SETDB2: variants seen among roughly 807,000 people sequenced by gnomAD.
The protein encoded by SETDB2 is SET domain bifurcated histone lysine methyltransferase 2.
SETDB2 carries 56 observed loss-of-function variants against 82.5 expected under a neutral mutation model. The observed-to-expected ratio is 0.68, with a 90% CI of 0.55 to 0.85. The LOEUF is 0.85. Among genes scored for constraint, SETDB2 ranks in the 40% least tolerant of loss-of-function variants. The pLI is 0.00. For missense variants in SETDB2, 677 were observed against 816.4 expected (o/e 0.83, Z 2.08); for synonymous variants, 272 against 284.9 (o/e 0.95, Z 0.46).
chr13:49,490,974 T>G lies in SETDB2; in HGVS notation c.2006+64T>G, dbSNP rs754145155. ...GACTTTAAAAATAACAATAGAGGGC[T>G]GAGTGCTGTGGCTCATACCTGTAAT... On this transcript the variant is annotated intron_variant, in intron 13 of 13. Coordinates refer to ENST00000611815, the MANE Select transcript of SETDB2 (RefSeq NM_001160308.3). 22 of 1,326,082 alleles carry G rather than the reference T, an allele frequency of 1.7e-5. No homozygotes were observed. The East Asian group carries it at 4.8e-4, about 29-fold the overall frequency. 82.1% of individuals were successfully genotyped at this position (1,326,082 alleles called of 1,614,324 possible). A position where few individuals can be genotyped will look rare whatever the true frequency, so the allele number is the denominator to read the frequency against.
At position 49,476,504 on chromosome 13, in the gene SETDB2, C is replaced by G; in HGVS notation, c.334C>G (p.Leu112Val). The G allele has an allele frequency of 6.3e-7, 1 of 1,595,150 alleles. No homozygotes were observed. Among genetic ancestry groups the G allele is most frequent in the African/African-American group, 1.4e-5 (1 of 73,954 alleles). ...AACAGAAAATAAGGAAATTCTCTCT[C>G]TTGAAGATAAAGTTGTAGACTTTAG... is the stretch of plus-strand genomic sequence containing the variant. ...LTTENKEILS[L>V]EDKVVDFREK... Residue 112 changes from leucine (L) to valine (V), a missense_variant, in exon 6 of 14, where the codon CTT (leucine) becomes GTT (valine). Leu to Val is a conservative substitution (Grantham distance 32). Around this residue, in one of 3 missense-constraint regions of SETDB2, gnomAD observed 243 missense variants for 237.2 expected, o/e 1.02. Coordinates refer to ENST00000611815, the MANE Select transcript of SETDB2 (RefSeq NM_001160308.3).
chr13:49,467,203 G>C (rs1425567568), intron 4 of SETDB2, among the ~76,000 whole-genome samples: 1 of 151,986 alleles, frequency 6.6e-6, no homozygotes, highest in Non-Finnish European at 1.5e-5. Context: ...TTCGAGATCA[G>C]CCTGGCCAAC....
chr13:49,459,447 G>A (rs1957951375), intron 2 of SETDB2, among the ~76,000 whole-genome samples: 1 of 152,078 alleles, frequency 6.6e-6, no homozygotes, highest in Non-Finnish European at 1.5e-5. Flanking sequence ...TTGTAACATT[G>A]TATAAATATG....
intron 4 of SETDB2, 42 bp downstream of exon 4, chr13:49,461,204 T>C (rs752089905): frequency 2.1e-6 from 3 of 1,409,038 alleles, no homozygotes; most frequent in South Asian, 1.2e-5. Context: ...TTCTCTGATA[T>C]TTTCTTGCCA....
rs1378783393 is a variant in SETDB2, at chr13:49,471,934, A to ATATTTT, written c.305+3975_305+3976insATTTTT. ...GTGACATATATATATATATATATAT[A>ATATTTT]TTTTTTTTTTTTTTTAAATAGAGAC... On this transcript the variant is annotated intron_variant, in intron 5 of 13. Transcript: ENST00000611815. Among the ~76,000 whole-genome samples, 81 of 119,258 alleles carry ATATTTT rather than the reference A, an allele frequency of 6.8e-4. No homozygotes were observed. In the Middle Eastern group the frequency reaches 0.012, roughly 18 times the overall value. The allele number at this position is 119,258 out of a possible 152,430, so 78.2% of individuals were successfully genotyped here. A position where few individuals can be genotyped will look rare whatever the true frequency, so the allele number is the denominator to read the frequency against.
At chr13:49,446,800 C>T (rs1312113368) in intron 1 of SETDB2, among the ~76,000 whole-genome samples, 3 of 152,126 alleles carry the variant, frequency 2.0e-5, no homozygotes, top group Non-Finnish European at 4.4e-5. Flanking sequence ...CATTAGGTTT[C>T]CAGTTTTTCA....
In SETDB2 at chr13:49,489,842, T is replaced by C. The variant is rs578085577; in HGVS notation, c.1918-980T>C. Among the ~76,000 whole-genome samples the C allele has an allele frequency of 1.1e-3, 156 of 146,868 alleles. 1 individual carries two copies. The East Asian group carries it at 0.029, about 27-fold the overall frequency. ...AACTCCTGACCTCAAGTGATCTGCC[T>C]GCCTCGGCCTCCCAAAGTGCTGGGA... is the stretch of plus-strand genomic sequence containing the variant. On this transcript the variant is annotated intron_variant, in intron 12 of 13. Transcript: ENST00000611815.
At chr13:49,477,902 C>G (rs1444886741) in intron 6 of SETDB2, among the ~76,000 whole-genome samples, 1 of 152,076 alleles carries the variant, frequency 6.6e-6, no homozygotes, top group African/African-American at 2.4e-5. Context: ...GTATTAACAT[C>G]CCATGAAAAA....
At chr13:49,485,432 G>C (rs947967034) in intron 10 of SETDB2, among the ~76,000 whole-genome samples, 198 bp from the exon 11 acceptor site, 3 of 152,186 alleles carry the variant, frequency 2.0e-5, no homozygotes, top group African/African-American at 7.2e-5. Context: ...AAAGCACCTA[G>C]AAGTAGAACA....
intron 12 of SETDB2, among the ~76,000 whole-genome samples, chr13:49,490,498 T>C (rs1487848665): frequency 6.6e-6 from 1 of 152,138 alleles, no homozygotes; most frequent in Non-Finnish European, 1.5e-5. Flanking sequence ...TGGAAACATA[T>C]ACAGATGAAT....
At chr13:49,467,128 T>C (rs1201793336) in intron 4 of SETDB2, among the ~76,000 whole-genome samples, 2 of 152,144 alleles carry the variant, frequency 1.3e-5, no homozygotes, top group Non-Finnish European at 2.9e-5. Context: ...CCAGGCATGG[T>C]GGCTCATACC....
At chr13:49,468,882 T>C (rs1033066434) in intron 5 of SETDB2, among the ~76,000 whole-genome samples, 3 of 152,034 alleles carry the variant, frequency 2.0e-5, no homozygotes, top group Non-Finnish European at 4.4e-5. Flanking sequence ...CATTTTTTTT[T>C]CTAGAAATTC....
chr13:49,456,830 C>T (rs1957890871), intron 2 of SETDB2, among the ~76,000 whole-genome samples: 1 of 152,082 alleles, frequency 6.6e-6, no homozygotes, highest in Non-Finnish European at 1.5e-5. Context: ...AGTTTGGTTA[C>T]CTCTTTTCTT....
At chr13:49,453,578 A>G (rs946205970) in intron 2 of SETDB2, among the ~76,000 whole-genome samples, 30 of 152,232 alleles carry the variant, frequency 2.0e-4, no homozygotes, top group African/African-American at 6.3e-4. Flanking sequence ...GATTACAGGC[A>G]TGAACCACCA....
intron 2 of SETDB2, among the ~76,000 whole-genome samples, chr13:49,455,253 T>C (rs1270107960): frequency 6.6e-6 from 1 of 152,194 alleles, no homozygotes; most frequent in East Asian, 1.9e-4. Flanking sequence ...AGTATTTCAA[T>C]AGCCTTTCAT....
intron 5 of SETDB2, among the ~76,000 whole-genome samples, chr13:49,469,154 A>T (rs1480567266): frequency 6.6e-6 from 1 of 152,150 alleles, no homozygotes; most frequent in Admixed American, 6.6e-5. Flanking sequence ...CTTTTAGCTT[A>T]TCATCTTGTA....
At chr13:49,482,090 T>A (rs1366734285) in intron 8 of SETDB2, 1 of 985,420 alleles carries the variant, frequency 1.0e-6, no homozygotes. Flanking sequence ...AAATAACTCT[T>A]GGATGAAAGC....
rs958245510 is a variant in SETDB2 at position 49,444,274 on chromosome 13, G to A, written c.-925G>A. 51 of 334,468 alleles carry A rather than the reference G, an allele frequency of 1.5e-4. No homozygotes were observed. Among genetic ancestry groups the A allele is most frequent in the Admixed American group, 6.6e-4 (16 of 24,374 alleles). The allele number at this position is 334,468 out of a possible 1,614,324, so 20.7% of individuals were successfully genotyped here. A position where few individuals can be genotyped will look rare whatever the true frequency, so the allele number is the denominator to read the frequency against. On this transcript the variant is annotated 5_prime_UTR_variant, in exon 1 of 14. Coordinates refer to ENST00000611815, the MANE Select transcript of SETDB2 (RefSeq NM_001160308.3). ...TAGGTAGGTCGGCCTGGTCCCCGGC[G>A]GAGGTTACGCCTTCCCTCATCCCCG...
At position 49,483,957 on chromosome 13, in the gene SETDB2, A is replaced by G. The variant is rs1958538464; in HGVS notation, c.1482+394A>G. Among the ~76,000 whole-genome samples, 3 of 152,050 alleles carry G rather than the reference A, an allele frequency of 2.0e-5. 1 individual carries two copies. The South Asian group carries it at 6.2e-4, about 32-fold the overall frequency. The stretch of plus-strand genomic sequence containing the variant: ...CTGAGATGTAAACTATTGCCTTCCT[A>G]TCCTTTACTTAGCTCAAAATGTTTG... On this transcript the variant is annotated intron_variant, in intron 10 of 13. Coordinates refer to ENST00000611815, the MANE Select transcript of SETDB2 (RefSeq NM_001160308.3).
Sources: allele counts gnomAD v4.1 joint callset (sites outside exome capture counted in the v4.1 genomes callset), GRCh38; gene constraint gnomAD v4.1.1; regional missense constraint gnomAD v4.1.1; transcripts MANE v1.5; gene names NCBI Gene and HGNC (gene_info 2026-07-23, HGNC 2026-07-21).